Variants in TSNARE1 observed in about 807,000 individuals in gnomAD.
TSNARE1 encodes the protein t-SNARE domain containing 1.
TSNARE1 carries 49 observed loss-of-function variants against 62.0 expected under a neutral mutation model. The observed-to-expected ratio is 0.79, with a 90% CI of 0.63 to 1.00. TSNARE1 has a LOEUF of 1.00. Ranked by LOEUF, TSNARE1 falls within the 50% of genes least tolerant of loss-of-function variation. The pLI is 0.00. For synonymous variants in TSNARE1, 328 were observed against 294.4 expected, an observed-to-expected ratio of 1.11 and a Z score of -1.17; for missense variants, 755 against 700.1, an observed-to-expected ratio of 1.08 and a Z score of -0.88.
intron 12 of TSNARE1, chr8:142,270,242 G>A (rs982103245): frequency 9.1e-6 from 9 of 985,264 alleles, no homozygotes; most frequent in Non-Finnish European, 1.1e-5. Context: ...AGAGTCAAAG[G>A]AGGTAATGGA....
intron 2 of TSNARE1, among the ~76,000 whole-genome samples, chr8:142,349,354 T>C (rs977728113): frequency 1.3e-5 from 2 of 152,240 alleles, no homozygotes; most frequent in African/African-American, 2.4e-5. Flanking sequence ...ATGTGTGATA[T>C]TCAACTAAAG....
chr8:142,279,973 G>A (rs562650480), intron 11 of TSNARE1: 74 of 1,124,626 alleles, frequency 6.6e-5, no homozygotes, highest in Admixed American at 2.0e-4. Flanking sequence ...GCCGCCCTCC[G>A]CCAGCTTCTT....
chr8:142,370,004 T>C (rs970199502), intron 1 of TSNARE1, among the ~76,000 whole-genome samples: 1 of 152,024 alleles, frequency 6.6e-6, no homozygotes, highest in African/African-American at 2.4e-5. Context: ...TAGGAGGTAA[T>C]GAGATCATGG....
intron 13 of TSNARE1, among the ~76,000 whole-genome samples, chr8:142,222,921 C>G (rs201929368): frequency 1.3e-5 from 1 of 78,000 alleles, no homozygotes; most frequent in African/African-American, 3.2e-5. Context: ...CTCATTCACT[C>G]ATTCACTCAT....
intron 9 of TSNARE1, among the ~76,000 whole-genome samples, chr8:142,313,723 C>G (rs1004861838): frequency 1.3e-5 from 2 of 152,172 alleles, no homozygotes; most frequent in African/African-American, 4.8e-5. Context: ...GTCTGCATGT[C>G]TGTGTGCATC....
chr8:142,316,551 T>C (rs138852085), intron 7 of TSNARE1, among the ~76,000 whole-genome samples: 1 of 151,856 alleles, frequency 6.6e-6, no homozygotes, highest in East Asian at 2.0e-4. Flanking sequence ...GCTTTAAGTG[T>C]AGAGTTCAGT....
intron 6 of TSNARE1, among the ~76,000 whole-genome samples, chr8:142,322,667 T>A (rs2131807023): frequency 6.6e-6 from 1 of 152,276 alleles, no homozygotes; most frequent in East Asian, 1.9e-4. Flanking sequence ...GGCCAGCCTG[T>A]GTCCGTGGGC....
In TSNARE1 at chr8:142,355,222, G is replaced by A. The variant is rs886934168; in HGVS notation, c.-39-459C>T. 3.9e-5 allele frequency among the ~76,000 whole-genome samples: 6 copies of A among 152,348 alleles called. No individual in the cohort carries two copies. In the South Asian group the frequency reaches 8.3e-4, roughly 21 times the overall value. ...GCCTGCCGGCATCTCTAGCTCCATC[G>A]TCTTGAGCCGCACTCCACGGTAGTG... On this transcript the variant is annotated intron_variant, in intron 1 of 13. Coordinates refer to ENST00000524325, the MANE Select transcript of TSNARE1 (RefSeq NM_145003.5).
At chr8:142,266,650 C>T (rs1007365014) in intron 12 of TSNARE1, among the ~76,000 whole-genome samples, 3 of 152,218 alleles carry the variant, frequency 2.0e-5, no homozygotes, top group Non-Finnish European at 4.4e-5. Flanking sequence ...TTTCTCTGTG[C>T]TGTTCCACAG....
chr8:142,406,953 A>C (rs1213394242), upstream of TSNARE1: 3 of 152,292 alleles, frequency 2.0e-5, no homozygotes, highest in African/African-American at 7.2e-5. Flanking sequence ...CCTGATGTGC[A>C]TAACAGCCTC....
intron 13 of TSNARE1, among the ~76,000 whole-genome samples, chr8:142,227,018 AGCCCCCCAC>A (rs1563760523): frequency 1.9e-4 from 15 of 77,598 alleles, no homozygotes; most frequent in African/African-American, 9.9e-4. Context: ...GTGACAGCCA[AGCCCCCCAC>A]TGCACCCACA....
chr8:142,263,400 CG>C (rs1425548520), intron 12 of TSNARE1, among the ~76,000 whole-genome samples: 5 of 152,176 alleles, frequency 3.3e-5, no homozygotes, highest in African/African-American at 9.7e-5. Flanking sequence ...GCGAGGATGC[CG>C]TATCTCCAAA....
At chr8:142,390,984 T>C (rs376388933) in intron 1 of TSNARE1, among the ~76,000 whole-genome samples, 11 of 129,450 alleles carry the variant, frequency 8.5e-5, no homozygotes, top group South Asian at 2.7e-4. Context: ...CTGGGGACTC[T>C]ATAGCAGACG....
intron 4 of TSNARE1, among the ~76,000 whole-genome samples, chr8:142,337,148 G>C (rs1356255216): frequency 6.6e-6 from 1 of 152,056 alleles, no homozygotes; most frequent in Non-Finnish European, 1.5e-5. Flanking sequence ...AATCAATAGA[G>C]AAAACTAATG....
intron 1 of TSNARE1, among the ~76,000 whole-genome samples, chr8:142,396,906 G>A (rs977081038): frequency 2.1e-4 from 32 of 152,220 alleles, no homozygotes; most frequent in Admixed American, 5.2e-4. Context: ...CGAGCTGGCC[G>A]TGCCATGGCT....
intron 12 of TSNARE1, among the ~76,000 whole-genome samples, chr8:142,260,693 T>A (rs1818816260): frequency 6.6e-6 from 1 of 151,916 alleles, no homozygotes; most frequent in African/African-American, 2.4e-5. Flanking sequence ...GGAAAGATCC[T>A]GACGCCCCAG....
chr8:142,311,695 C>T (rs1185877404), intron 9 of TSNARE1, among the ~76,000 whole-genome samples: 2 of 152,136 alleles, frequency 1.3e-5, no homozygotes, highest in African/African-American at 2.4e-5. Flanking sequence ...CAATCGTTAC[C>T]TCTTCAAATA....
intron 13 of TSNARE1, among the ~76,000 whole-genome samples, chr8:142,227,377 C>T (rs1316472475): frequency 3.7e-5 from 4 of 109,330 alleles, no homozygotes; most frequent in African/African-American, 9.7e-5. Context: ...AGCCAGGACC[C>T]CCATCCTGCC....
intron 1 of TSNARE1, among the ~76,000 whole-genome samples, chr8:142,357,931 GCGGC>G (rs1469205761): frequency 5.9e-5 from 9 of 152,198 alleles, no homozygotes; most frequent in African/African-American, 1.9e-4. Context: ...GGGGCGGCCA[GCGGC>G]CATCACTGCA....
Sources: allele counts gnomAD v4.1 joint callset (sites outside exome capture counted in the v4.1 genomes callset), GRCh38; gene constraint gnomAD v4.1.1; transcripts MANE v1.5; gene names NCBI Gene and HGNC (gene_info 2026-07-23, HGNC 2026-07-21).